The following HSPA6 variants were observed in gnomAD, a reference collection of about 807,000 sequenced individuals.
HSPA6 encodes heat shock protein family A (Hsp70) member 6, also known as heat shock 70 kDa protein 6.
For synonymous variants in HSPA6, 312 were observed against 368.2 expected (o/e 0.85, Z 1.75); for missense variants, 718 against 860.9 (o/e 0.83, Z 2.08).
Position 161,526,801 on chromosome 1 carries a change from T to C in HSPA6, c.*211T>C, listed in dbSNP as rs375069063. The C allele has an allele frequency of 3.0e-5, 14 of 471,164 alleles. No homozygotes were observed. The East Asian group carries it at 4.5e-4, about 15-fold the overall frequency. 29.2% of individuals were successfully genotyped at this position (471,164 alleles called of 1,614,324 possible). ...AAAGTCATTAATTTATTAAAACTTG[T>C]GTGGCACTTTAACATTGCTTTCACC... On this transcript the variant is annotated 3_prime_UTR_variant, in exon 1 of 1. Coordinates refer to ENST00000309758, the MANE Select transcript of HSPA6 (RefSeq NM_002155.5).
In HSPA6 at chr1:161,526,033, G is replaced by C; in HGVS notation, c.1375G>C (p.Gly459Arg). The C allele has an allele frequency of 6.2e-7, 1 of 1,613,714 alleles. No homozygotes were observed. The highest frequency in any genetic ancestry group is 8.5e-7 in the Non-Finnish European group (1 of 1,179,810). Reference protein sequence around the residue: ...RAMTKDNNLLGRFELSGIPPA... With the variant: ...RAMTKDNNLLRRFELSGIPPA... Reference sequence around the variant, plus strand: ...CATGACCAAGGACAACAACCTGCTGGGGCGTTTTGAACTCAGTGGCATCCC... The same window carrying C: ...CATGACCAAGGACAACAACCTGCTGCGGCGTTTTGAACTCAGTGGCATCCC... Residue 459 changes from glycine (G) to arginine (R), a missense_variant, in exon 1 of 1, where the codon GGG becomes CGG. Gly to Arg is a moderately radical substitution (Grantham distance 125, BLOSUM62 -2). Coordinates refer to ENST00000309758, the MANE Select transcript of HSPA6 (RefSeq NM_002155.5).
chr1:161,526,171 A>G lies in HSPA6; in HGVS notation c.1513A>G (p.Ile505Val). 6.2e-7 allele frequency: 1 copy of G among 1,613,868 alleles called. No homozygotes were observed. Residue 505 changes from isoleucine to valine, a missense_variant, in exon 1 of 1, where the codon ATC (isoleucine) becomes GTC (valine). By Grantham distance (29) the Ile-to-Val change is conservative. Transcript: ENST00000309758. ...CACAGGTAAGGCTAACAAGATCACCATCACCAATGACAAGGGCCGGCTGAG... is the reference window on the plus strand; with the variant it reads ...CACAGGTAAGGCTAACAAGATCACCGTCACCAATGACAAGGGCCGGCTGAG... ...RSTGKANKIT[I>V]TNDKGRLSKE...
Position 161,526,560 on chromosome 1 carries a change from C to T in HSPA6, c.1902C>T (p.Ser634=), listed in dbSNP as rs1676708183. The change falls in exon 1 of 1, where the codon AGC becomes AGT. Residue 634 remains serine, a synonymous_variant. Transcript: ENST00000309758. The part of the protein sequence containing the change: ...CGTQARQGDP[S]TGPIIEEVD ...CTCAAGCCCGCCAGGGGGACCCCAG[C>T]ACCGGCCCCATCATTGAGGAGGTTG... The T allele has an allele frequency of 6.4e-7, 1 of 1,562,666 alleles. No individual in the cohort carries two copies. Among genetic ancestry groups the T allele is most frequent in the African/African-American group, 1.4e-5 (1 of 73,244 alleles).
Position 161,525,132 on chromosome 1 carries a change from G to A in HSPA6, c.474G>A (p.Gln158=). 6.2e-7 allele frequency: 1 copy of A among 1,613,820 alleles called. No homozygotes were observed. Among genetic ancestry groups the A allele is most frequent in the South Asian group, 1.1e-5 (1 of 91,042 alleles). The change falls in exon 1 of 1, where the codon CAG becomes CAA. Residue 158 remains glutamine, a synonymous_variant. Coordinates refer to ENST00000309758, the MANE Select transcript of HSPA6 (RefSeq NM_002155.5). ...VPAYFNDSQR[Q]ATKDAGAIAG... The stretch of plus-strand genomic sequence containing the variant: ...CCTATTTCAATGACTCGCAGCGCCA[G>A]GCCACCAAGGACGCGGGGGCCATCG...
chr1:161,525,262 C>G lies in HSPA6; in HGVS notation c.604C>G (p.Leu202Val), dbSNP rs570575705. The change falls in exon 1 of 1, where the codon CTG becomes GTG. Residue 202 changes from leucine to valine, a missense_variant. Physicochemically the swap from Leu to Val is conservative, Grantham distance 32 (BLOSUM62 1). Transcript: ENST00000309758. ...AGAGCGCAACGTGCTCATTTTTGAC[C>G]TGGGTGGGGGCACCTTCGATGTGTC... is the stretch of plus-strand genomic sequence containing the variant. ...AGERNVLIFD[L>V]GGGTFDVSVL... The G allele has an allele frequency of 7.4e-6, 12 of 1,614,062 alleles. No homozygotes were observed. The highest frequency in any genetic ancestry group is 1.3e-5 in the African/African-American group (1 of 75,040).
At position 161,526,380 on chromosome 1, in the gene HSPA6, C is replaced by A; in HGVS notation, c.1722C>A (p.Asp574Glu). 6.2e-6 allele frequency: 10 copies of A among 1,600,074 alleles called. No individual in the cohort carries two copies. The highest frequency in any genetic ancestry group is 8.5e-6 in the Non-Finnish European group (10 of 1,172,418). Reference protein sequence around the residue: ...IPEEDRRKMQDKCREVLAWLE... With the variant: ...IPEEDRRKMQEKCREVLAWLE... ...AAGAGGACAGGCGCAAAATGCAAGA[C>A]AAGTGTCGGGAAGTCCTTGCCTGGC... Residue 574 changes from aspartate (D) to glutamate (E), a missense_variant, in exon 1 of 1, where the codon GAC becomes GAA. Coordinates refer to ENST00000309758, the MANE Select transcript of HSPA6 (RefSeq NM_002155.5).
In HSPA6 at chr1:161,525,226, C is replaced by A; in HGVS notation, c.568C>A (p.Arg190=). ...AAAIAYGLDR[R]GAGERNVLIF... ...TGCCATCGCCTATGGGCTGGACCGG[C>A]GGGGCGCGGGAGAGCGCAACGTGCT... is the stretch of plus-strand genomic sequence containing the variant. Residue 190 remains arginine (R), a synonymous_variant, in exon 1 of 1, where the codon CGG becomes AGG. Coordinates refer to ENST00000309758, the MANE Select transcript of HSPA6 (RefSeq NM_002155.5). 6.2e-7 allele frequency: 1 copy of A among 1,613,984 alleles called. No homozygotes were observed. Among genetic ancestry groups the A allele is most frequent in the Non-Finnish European group, 8.5e-7 (1 of 1,179,950 alleles).
Position 161,524,633 on chromosome 1 carries a change from C to G in HSPA6, c.-26C>G, listed in dbSNP as rs974006600. On this transcript the variant is annotated 5_prime_UTR_variant, in exon 1 of 1. Coordinates refer to ENST00000309758, the MANE Select transcript of HSPA6 (RefSeq NM_002155.5). The stretch of plus-strand genomic sequence containing the variant: ...GGAGCGGCAGCAGCCTCCGTGGCCT[C>G]CAGCATCCGACAAGAAGCTTCAGCC... The G allele has an allele frequency of 3.5e-5, 44 of 1,252,138 alleles. 1 individual carries two copies. Among genetic ancestry groups the G allele is most frequent in the Non-Finnish European group, 4.7e-5 (43 of 921,278 alleles). 77.6% of individuals were successfully genotyped at this position (1,252,138 alleles called of 1,614,324 possible). A position where few individuals can be genotyped will look rare whatever the true frequency, so the allele number is the denominator to read the frequency against.
In HSPA6 at chr1:161,525,511, G is replaced by A; in HGVS notation, c.853G>A (p.Glu285Lys). ...GTCCTCCAGCACCCAGGCCACCCTG[G>A]AGATAGACTCCCTGTTCGAGGGCGT... is the stretch of plus-strand genomic sequence containing the variant. ...TLSSSTQATL[E>K]IDSLFEGVDF... Residue 285 changes from glutamate (E) to lysine (K), a missense_variant, in exon 1 of 1, where the codon GAG becomes AAG. Glu to Lys is a moderately conservative substitution (Grantham distance 56). Transcript: ENST00000309758. 2 of 1,613,566 alleles carry A rather than the reference G, an allele frequency of 1.2e-6. No individual in the cohort carries two copies. The highest frequency in any genetic ancestry group is 2.2e-5 in the East Asian group (1 of 44,874).
Position 161,525,514 on chromosome 1 carries a change from A to C in HSPA6, c.856A>C (p.Ile286Leu), listed in dbSNP as rs142781522. ...CTCCAGCACCCAGGCCACCCTGGAG[A>C]TAGACTCCCTGTTCGAGGGCGTGGA... ...LSSSTQATLE[I>L]DSLFEGVDFY... The change falls in exon 1 of 1, where the codon ATA becomes CTA. Residue 286 changes from isoleucine to leucine, a missense_variant. Transcript: ENST00000309758. The C allele has an allele frequency of 2.0e-4, 317 of 1,613,392 alleles. No homozygotes were observed. Among genetic ancestry groups the C allele is most frequent in the Non-Finnish European group, 2.5e-4 (294 of 1,179,724 alleles).
At position 161,526,604 on chromosome 1, in the gene HSPA6, A is replaced by C. The variant is rs760176269; in HGVS notation, c.*14A>C. Reference sequence around the variant, plus strand: ...GAGGTTGATTGAATGGCCCTTCGTGATAAGTCAGCTGTGACTGTCAGGGCT... The same window carrying C: ...GAGGTTGATTGAATGGCCCTTCGTGCTAAGTCAGCTGTGACTGTCAGGGCT... On this transcript the variant is annotated 3_prime_UTR_variant, in exon 1 of 1. Coordinates refer to ENST00000309758, the MANE Select transcript of HSPA6 (RefSeq NM_002155.5). The C allele has an allele frequency of 1.3e-6, 2 of 1,515,228 alleles. No homozygotes were observed. Among genetic ancestry groups the C allele is most frequent in the South Asian group, 2.7e-5 (2 of 75,398 alleles). The allele number at this position is 1,515,228 out of a possible 1,614,324, so 93.9% of individuals were successfully genotyped here. A position where few individuals can be genotyped will look rare whatever the true frequency, so the allele number is the denominator to read the frequency against.
rs1427332139 is a variant in HSPA6, at chr1:161,525,150, G to A, written c.492G>A (p.Gly164=). ...DSQRQATKDA[G]AIAGLNVLRI... ...AGCGCCAGGCCACCAAGGACGCGGG[G>A]GCCATCGCGGGGCTCAACGTGTTGC... Residue 164 remains glycine, a synonymous_variant, in exon 1 of 1, where the codon GGG becomes GGA. Coordinates refer to ENST00000309758, the MANE Select transcript of HSPA6 (RefSeq NM_002155.5). The A allele has an allele frequency of 2.5e-6, 4 of 1,613,844 alleles. No individual in the cohort carries two copies. The highest frequency in any genetic ancestry group is 1.7e-5 in the Admixed American group (1 of 60,010).
Position 161,526,257 on chromosome 1 carries a change from C to A in HSPA6, c.1599C>A (p.Ala533=). ...EAEQYKAEDE[A]QRDRVAAKNS... is the part of the protein sequence containing the mutation. ...AGCAGTACAAGGCTGAGGATGAGGCCCAGAGGGACAGAGTGGCTGCCAAAA... is the reference window on the plus strand; with the variant it reads ...AGCAGTACAAGGCTGAGGATGAGGCACAGAGGGACAGAGTGGCTGCCAAAA... The change falls in exon 1 of 1, where the codon GCC becomes GCA. Residue 533 remains alanine, a synonymous_variant. Coordinates refer to ENST00000309758, the MANE Select transcript of HSPA6 (RefSeq NM_002155.5). The A allele has an allele frequency of 6.2e-7, 1 of 1,613,572 alleles. No individual in the cohort carries two copies. Among genetic ancestry groups the A allele is most frequent in the Non-Finnish European group, 8.5e-7 (1 of 1,179,748 alleles).
In HSPA6 at chr1:161,524,739, C is replaced by T; in HGVS notation, c.81C>T (p.Arg27=). The T allele has an allele frequency of 6.7e-7, 1 of 1,483,844 alleles. No homozygotes were observed. The highest frequency in any genetic ancestry group is 9.2e-7 in the Non-Finnish European group (1 of 1,088,628). The allele number at this position is 1,483,844 out of a possible 1,614,324, so 91.9% of individuals were successfully genotyped here. Residue 27 remains arginine, a synonymous_variant, in exon 1 of 1, where the codon CGC becomes CGT. Transcript: ENST00000309758. ...GCGTGGGCGTGTTTCAGCAGGGCCG[C>T]GTGGAGATCCTGGCCAACGACCAGG... ...YSCVGVFQQG[R]VEILANDQGN...
rs1218827927 is a variant in HSPA6 at position 161,526,148 on chromosome 1, C to T, written c.1490C>T (p.Thr497Ile). 10 of 1,613,684 alleles carry T rather than the reference C, an allele frequency of 6.2e-6. No homozygotes were observed. The highest frequency in any genetic ancestry group is 8.5e-6 in the Non-Finnish European group (10 of 1,179,808). ...AGCGTGACAGCCACTGACAGGAGCA[C>T]AGGTAAGGCTAACAAGATCACCATC... ...ILSVTATDRS[T>I]GKANKITITN... is the part of the protein sequence containing the mutation. Residue 497 changes from threonine (T) to isoleucine (I), a missense_variant, in exon 1 of 1, where the codon ACA becomes ATA. Physicochemically the swap from Thr to Ile is moderately conservative, Grantham distance 89. Coordinates refer to ENST00000309758, the MANE Select transcript of HSPA6 (RefSeq NM_002155.5).
chr1:161,526,058 C>T lies in HSPA6; in HGVS notation c.1400C>T (p.Pro467Leu). The change falls in exon 1 of 1, where the codon CCT becomes CTT. Residue 467 changes from proline (P) to leucine (L), a missense_variant. Transcript: ENST00000309758. Reference sequence around the variant, plus strand: ...GGGCGTTTTGAACTCAGTGGCATCCCTCCTGCCCCACGTGGAGTCCCCCAG... The same window carrying T: ...GGGCGTTTTGAACTCAGTGGCATCCTTCCTGCCCCACGTGGAGTCCCCCAG... ...LLGRFELSGIPPAPRGVPQIE... is the reference protein window; with the variant it reads ...LLGRFELSGILPAPRGVPQIE... The T allele has an allele frequency of 1.2e-6, 2 of 1,613,832 alleles. No individual in the cohort carries two copies. Among genetic ancestry groups the T allele is most frequent in the South Asian group, 1.1e-5 (1 of 91,038 alleles).
rs1676646918 is a variant in HSPA6, at chr1:161,525,259, G to A, written c.601G>A (p.Asp201Asn). The change falls in exon 1 of 1, where the codon GAC becomes AAC. Residue 201 changes from aspartate (D) to asparagine (N), a missense_variant. Asp to Asn is a conservative substitution (Grantham distance 23). Transcript: ENST00000309758. ...GGGAGAGCGCAACGTGCTCATTTTT[G>A]ACCTGGGTGGGGGCACCTTCGATGT... Reference protein sequence around the residue: ...GAGERNVLIFDLGGGTFDVSV... With the variant: ...GAGERNVLIFNLGGGTFDVSV... 1 of 1,613,938 alleles carries A rather than the reference G, an allele frequency of 6.2e-7. No homozygotes were observed. Among genetic ancestry groups the A allele is most frequent in the Non-Finnish European group, 8.5e-7 (1 of 1,179,970 alleles).
chr1:161,526,316 G>T lies in HSPA6; in HGVS notation c.1658G>T (p.Gly553Val). The change falls in exon 1 of 1, where the codon GGT (glycine) becomes GTT (valine). Residue 553 changes from glycine (G) to valine (V), a missense_variant. Transcript: ENST00000309758. ...SLEAHVFHVKGSLQEESLRDK... is the reference protein window; with the variant it reads ...SLEAHVFHVKVSLQEESLRDK... ...GAGGCCCATGTCTTCCATGTGAAAG[G>T]TTCTTTGCAAGAGGAAAGCCTTAGG... is the stretch of plus-strand genomic sequence containing the variant. 3 of 1,607,472 alleles carry T rather than the reference G, an allele frequency of 1.9e-6. No homozygotes were observed. The highest frequency in any genetic ancestry group is 1.3e-5 in the African/African-American group (1 of 74,834).
At position 161,526,791 on chromosome 1, in the gene HSPA6, T is replaced by G. The variant is rs866607150; in HGVS notation, c.*201T>G. The G allele has an allele frequency of 3.7e-4, 176 of 480,106 alleles. 2 individuals are homozygous for G. Among genetic ancestry groups the G allele is most frequent in the Non-Finnish European group, 5.7e-4 (151 of 266,562 alleles). 29.7% of individuals were successfully genotyped at this position (480,106 alleles called of 1,614,324 possible). ...CTTCAAATAAAAAGTCATTAATTTA[T>G]TAAAACTTGTGTGGCACTTTAACAT... is the stretch of plus-strand genomic sequence containing the variant. On this transcript the variant is annotated 3_prime_UTR_variant, in exon 1 of 1. Coordinates refer to ENST00000309758, the MANE Select transcript of HSPA6 (RefSeq NM_002155.5).
Sources: allele counts gnomAD v4.1 joint callset, GRCh38; gene constraint gnomAD v4.1.1; transcripts MANE v1.5; gene names NCBI Gene and HGNC (gene_info 2026-07-23, HGNC 2026-07-21).